ABHD6: variants seen among roughly 807,000 people sequenced by gnomAD.
The protein encoded by ABHD6 is abhydrolase domain containing 6, acylglycerol lipase.
ABHD6 carries 33 observed loss-of-function variants against 38.8 expected under a neutral mutation model. That is an observed-to-expected ratio of 0.85 (90% confidence interval 0.64 to 1.14). The LOEUF (loss-of-function observed/expected upper bound fraction) is 1.14, where lower values mean the gene tolerates loss of function less well. Among genes scored for constraint, ABHD6 ranks in the 50% most tolerant of loss-of-function variants. The pLI is 0.00. For missense variants in ABHD6, 380 were observed against 422.6 expected, an observed-to-expected ratio of 0.90 and a Z score of 0.88; for synonymous variants, 147 against 161.6, an observed-to-expected ratio of 0.91 and a Z score of 0.69.
chr3:58,248,492 G>T (rs1172427303), intron 1 of ABHD6, among the ~76,000 whole-genome samples: 1 of 152,178 alleles, frequency 6.6e-6, no homozygotes, highest in African/African-American at 2.4e-5. Flanking sequence ...GAGGTTGGGA[G>T]TTCGAAGACC....
intron 7 of ABHD6, among the ~76,000 whole-genome samples, chr3:58,281,353 T>G (rs1229158262): frequency 6.6e-6 from 1 of 152,202 alleles, no homozygotes; most frequent in Non-Finnish European, 1.5e-5. Flanking sequence ...AATCTCAGAC[T>G]GCTGTGCTAG....
chr3:58,264,415 AC>A lies in ABHD6; in HGVS notation c.120-2773del, dbSNP rs1559776209. Reference sequence around the variant, plus strand: ...CACACACACACACACACACACACACACACACACACACACACACACACACACA... The same window carrying A: ...CACACACACACACACACACACACACAACACACACACACACACACACACACA... On this transcript the variant is annotated intron_variant, in intron 3 of 9. Transcript: ENST00000478253. 2.8e-5 allele frequency among the ~76,000 whole-genome samples: 4 copies of A among 141,136 alleles called. No homozygotes were observed. The East Asian group carries it at 7.8e-4, about 27-fold the overall frequency. The allele number at this position is 141,136 out of a possible 152,430, so 92.6% of individuals were successfully genotyped here.
intron 9 of ABHD6, among the ~76,000 whole-genome samples, chr3:58,292,635 A>C (rs2097464050): frequency 1.3e-5 from 2 of 152,124 alleles, no homozygotes; most frequent in African/African-American, 4.8e-5. Flanking sequence ...AGAGACCTCC[A>C]GCTGGGTGCG....
At chr3:58,272,848 T>G (rs1351507959) in intron 6 of ABHD6, among the ~76,000 whole-genome samples, 1 of 152,166 alleles carries the variant, frequency 6.6e-6, no homozygotes, top group African/African-American at 2.4e-5. Context: ...TTGAAATAAT[T>G]TTTAATTTAC....
At chr3:58,261,918 G>A (rs1483298501) in intron 3 of ABHD6, among the ~76,000 whole-genome samples, 3 of 152,266 alleles carry the variant, frequency 2.0e-5, no homozygotes, top group East Asian at 1.9e-4. Flanking sequence ...CTTTGCAATA[G>A]CGAAAAGATA....
Position 58,270,917 on chromosome 3 carries a change from C to A in ABHD6, c.391-15C>A, listed in dbSNP as rs760913783. ...CAGCTGTATAACCAAGCTGCTTTCT[C>A]ATTTCCCTTCCTAGTTTGTAGAATG... On this transcript the variant is annotated splice_polypyrimidine_tract_variant and intron_variant, in intron 5 of 9. Coordinates refer to ENST00000478253, the MANE Select transcript of ABHD6 (RefSeq NM_001320126.2). The A allele has an allele frequency of 6.3e-7, 1 of 1,593,152 alleles. No homozygotes were observed. Among genetic ancestry groups the A allele is most frequent in the Non-Finnish European group, 8.5e-7 (1 of 1,171,362 alleles).
At chr3:58,272,782 A>G (rs1403181875) in intron 6 of ABHD6, among the ~76,000 whole-genome samples, 2 of 152,232 alleles carry the variant, frequency 1.3e-5, no homozygotes, top group African/African-American at 4.8e-5. Context: ...TAAAAAGTAG[A>G]AATAAATTCA....
intron 7 of ABHD6, among the ~76,000 whole-genome samples, chr3:58,282,106 G>A (rs11720747): frequency 0.062 from 9,493 of 152,270 alleles, 434 homozygotes; most frequent in Middle Eastern, 0.092. Context: ...TGTAAGTGAA[G>A]AGGCAAGTAA....
chr3:58,285,258 G>C lies in ABHD6; in HGVS notation c.737-95G>C. The C allele has an allele frequency of 2.0e-6, 3 of 1,510,390 alleles. No individual in the cohort carries two copies. Among genetic ancestry groups the C allele is most frequent in the Non-Finnish European group, 2.8e-6 (3 of 1,086,352 alleles). 93.6% of individuals were successfully genotyped at this position (1,510,390 alleles called of 1,614,324 possible). A position where few individuals can be genotyped will look rare whatever the true frequency, so the allele number is the denominator to read the frequency against. On this transcript the variant is annotated intron_variant, in intron 8 of 9. Coordinates refer to ENST00000478253, the MANE Select transcript of ABHD6 (RefSeq NM_001320126.2). The surrounding 1 kb of genome is among the most constrained non-coding windows in gnomAD (Gnocchi z 4.9). ...CTCTTTGGGCCCCTGAAGAGAGGAAGTGGTGGCCTGGATCTGGTGACTATC... is the reference window on the plus strand; with the variant it reads ...CTCTTTGGGCCCCTGAAGAGAGGAACTGGTGGCCTGGATCTGGTGACTATC...
rs771843813 is a variant in ABHD6, at chr3:58,267,263, G to A, written c.194G>A (p.Arg65Gln). ...GACTATCAGTTCTGTTATTCCTTCC[G>A]GGGCAGGCCTGGGCACAAACCCTCC... ...HEDYQFCYSF[R>Q]GRPGHKPSIL... Residue 65 changes from arginine (R) to glutamine (Q), a missense_variant, in exon 4 of 10, where the codon CGG (arginine) becomes CAG (glutamine). Physicochemically the swap from Arg to Gln is conservative, Grantham distance 43. Coordinates refer to ENST00000478253, the MANE Select transcript of ABHD6 (RefSeq NM_001320126.2). This position sits in a 1 kb window ranked among gnomAD's most constrained non-coding sequence, Gnocchi z 4.3. 43 of 1,614,012 alleles carry A rather than the reference G, an allele frequency of 2.7e-5. No individual in the cohort carries two copies. Among genetic ancestry groups the A allele is most frequent in the African/African-American group, 2.7e-5 (2 of 74,894 alleles).
rs938301154 is a variant in ABHD6, at chr3:58,263,146, T to A, written c.120-4043T>A. 6.6e-6 allele frequency among the ~76,000 whole-genome samples: 1 copy of A among 152,142 alleles called. No individual in the cohort carries two copies. Among genetic ancestry groups the A allele is most frequent in the East Asian group, 1.9e-4 (1 of 5,200 alleles). ...TCGTTTGAAAGCAGAAGGTGGAGGT[T>A]GCAGTGAGCCGAGATCATGCCACTG... On this transcript the variant is annotated intron_variant, in intron 3 of 9. Coordinates refer to ENST00000478253, the MANE Select transcript of ABHD6 (RefSeq NM_001320126.2). The surrounding 1 kb of genome is among the most constrained non-coding windows in gnomAD (Gnocchi z 4.9).
At chr3:58,245,188 G>A (rs960089116) in intron 1 of ABHD6, among the ~76,000 whole-genome samples, 2 of 151,932 alleles carry the variant, frequency 1.3e-5, no homozygotes, top group African/African-American at 2.4e-5. Context: ...GTTTTGAGAC[G>A]GAGTCTCGCT....
intron 7 of ABHD6, among the ~76,000 whole-genome samples, chr3:58,284,116 A>G (rs2097455277): frequency 6.6e-6 from 1 of 152,156 alleles, no homozygotes; most frequent in Admixed American, 6.5e-5. Context: ...CTACCTCAGG[A>G]GTCCTGAGGC....
chr3:58,258,800 G>A, intron 3 of ABHD6, among the ~76,000 whole-genome samples: 1 of 152,126 alleles, frequency 6.6e-6, no homozygotes. Context: ...GAAACTAATT[G>A]AATGGAAGGG....
At chr3:58,280,168 A>G (rs1213607806) in intron 7 of ABHD6, among the ~76,000 whole-genome samples, 1 of 152,166 alleles carries the variant, frequency 6.6e-6, no homozygotes, top group East Asian at 1.9e-4. Flanking sequence ...CTCCTGGATA[A>G]TATCCTGAAG....
intron 9 of ABHD6, among the ~76,000 whole-genome samples, chr3:58,286,838 G>A (rs1287933765): frequency 0.032 from 1,207 of 37,658 alleles, 88 homozygotes; most frequent in African/African-American, 0.13. Context: ...GTGTGTGTGT[G>A]TGTGTGTGTG....
intron 1 of ABHD6, among the ~76,000 whole-genome samples, chr3:58,248,301 G>A (rs1009383255): frequency 5.3e-5 from 8 of 152,160 alleles, no homozygotes; most frequent in African/African-American, 1.9e-4. Flanking sequence ...ATATGTAAGC[G>A]TGTAAATTAT....
intron 9 of ABHD6, among the ~76,000 whole-genome samples, chr3:58,288,072 T>A (rs2097458766): frequency 6.6e-6 from 1 of 152,224 alleles, no homozygotes; most frequent in African/African-American, 2.4e-5. Flanking sequence ...TAACATTCTA[T>A]GGGCTTGCTA....
At chr3:58,280,590 T>G (rs757491775) in intron 7 of ABHD6, among the ~76,000 whole-genome samples, 2 of 152,242 alleles carry the variant, frequency 1.3e-5, no homozygotes, top group Non-Finnish European at 2.9e-5. Flanking sequence ...AGCCTACTTC[T>G]GTCAGCTCAG....
Sources: gnomAD v4.1 joint callset for allele counts (sites outside exome capture counted in the v4.1 genomes callset) on GRCh38, gnomAD v4.1.1 for gene constraint, Gnocchi (gnomAD v3.1) non-coding constraint, MANE v1.5 for transcripts, NCBI Gene and HGNC (gene_info 2026-07-23, HGNC 2026-07-21) for gene names.